The following COL23A1 variants were observed in gnomAD, a reference collection of about 807,000 sequenced individuals.
COL23A1 encodes collagen type XXIII alpha 1 chain, also known as collagen alpha-1(XXIII) chain.
A neutral mutation model predicts 99.3 loss-of-function variants in COL23A1; 97 were observed. The observed-to-expected ratio is 0.98, with a 90% CI of 0.83 to 1.16. COL23A1 has a LOEUF of 1.16. Among genes scored for constraint, COL23A1 ranks in the 50% most tolerant of loss-of-function variants. The probability of loss-of-function intolerance (pLI) is 0.00; values close to 1 mark genes in which losing one functional copy is unlikely to be tolerated. For synonymous variants in COL23A1, 320 were observed against 308.2 expected, an observed-to-expected ratio of 1.04 and a Z score of -0.40; for missense variants, 762 against 757.4, an observed-to-expected ratio of 1.01 and a Z score of -0.07.
intron 2 of COL23A1, among the ~76,000 whole-genome samples, chr5:178,321,552 C>G (rs938288223): frequency 6.9e-6 from 1 of 144,800 alleles, no homozygotes; most frequent in African/African-American, 2.6e-5. Flanking sequence ...TGCAGTGGCA[C>G]GATCTCGGCT....
At chr5:178,377,512 C>A (rs1763140401) in intron 2 of COL23A1, among the ~76,000 whole-genome samples, 1 of 152,232 alleles carries the variant, frequency 6.6e-6, no homozygotes, top group Non-Finnish European at 1.5e-5. Flanking sequence ...GACGTGTCAT[C>A]CTGGGCCTTT....
chr5:178,517,615 G>GCC (rs1759611669), intron 2 of COL23A1, among the ~76,000 whole-genome samples: 3 of 123,612 alleles, frequency 2.4e-5, no homozygotes, highest in Non-Finnish European at 4.7e-5. Flanking sequence ...AGTCTGGAAT[G>GCC]CAGTGGCATG....
chr5:178,256,505 G>T, intron 14 of COL23A1, 108 bp from the exon 15 acceptor site: 1 of 1,053,056 alleles, frequency 9.5e-7, no homozygotes. Context: ...GGGCCCGAGT[G>T]CTGGAACCCT....
chr5:178,518,126 T>G (rs1186384248), intron 2 of COL23A1, among the ~76,000 whole-genome samples: 3 of 135,462 alleles, frequency 2.2e-5, no homozygotes, highest in African/African-American at 8.9e-5. Flanking sequence ...TTCAAGCATC[T>G]GTTTAACAAA....
At chr5:178,583,868 A>G (rs1000867654) in intron 1 of COL23A1, among the ~76,000 whole-genome samples, 18 of 152,168 alleles carry the variant, frequency 1.2e-4, no homozygotes, top group African/African-American at 4.3e-4. Flanking sequence ...TTTCTCCCCA[A>G]TTTTTATTTG....
intron 1 of COL23A1, among the ~76,000 whole-genome samples, chr5:178,585,545 A>T (rs866687997): frequency 1.1e-4 from 14 of 132,306 alleles, no homozygotes; most frequent in South Asian, 2.5e-4. Context: ...GTAACACTCC[A>T]CAGCCCTGGT....
At chr5:178,427,616 A>T (rs1341363602) in intron 2 of COL23A1, among the ~76,000 whole-genome samples, 1 of 152,228 alleles carries the variant, frequency 6.6e-6, no homozygotes, top group Non-Finnish European at 1.5e-5. Flanking sequence ...ATAATATTCT[A>T]TTATTCAATG....
intron 5 of COL23A1, among the ~76,000 whole-genome samples, chr5:178,275,670 C>A (rs1166448415): frequency 6.6e-6 from 1 of 152,176 alleles, no homozygotes; most frequent in East Asian, 1.9e-4. Flanking sequence ...TTCCCCTTAA[C>A]TGCTCCGTAG....
At chr5:178,256,464 GC>G in intron 14 of COL23A1, 67 bp from the exon 15 acceptor site, 6 of 1,456,768 alleles carry the variant, frequency 4.1e-6, no homozygotes, top group Admixed American at 2.2e-5. Flanking sequence ...CCACGACCCT[GC>G]CCCCAGTCCC....
At chr5:178,399,920 G>A (rs928276469) in intron 2 of COL23A1, among the ~76,000 whole-genome samples, 6 of 152,158 alleles carry the variant, frequency 3.9e-5, no homozygotes, top group South Asian at 2.1e-4. Context: ...GGATCCACCC[G>A]CGTCCATGCC....
intron 2 of COL23A1, among the ~76,000 whole-genome samples, chr5:178,526,044 GT>G (rs1163277246): frequency 6.6e-6 from 1 of 152,234 alleles, no homozygotes; most frequent in East Asian, 1.9e-4. Flanking sequence ...GGAGGCGAGT[GT>G]CCTCGGAGTG....
At chr5:178,330,581 G>T (rs1759962395) in intron 2 of COL23A1, among the ~76,000 whole-genome samples, 1 of 151,990 alleles carries the variant, frequency 6.6e-6, no homozygotes, top group Admixed American at 6.5e-5. Context: ...TGGAGCTGAG[G>T]AGTTTGAGGT....
At chr5:178,356,104 G>T (rs565042711) in intron 2 of COL23A1, among the ~76,000 whole-genome samples, 35 of 152,322 alleles carry the variant, frequency 2.3e-4, no homozygotes, top group African/African-American at 8.4e-4. Flanking sequence ...AGTGACAGAC[G>T]CAGGCACAGA....
At chr5:178,520,256 G>C (rs1383915604) in intron 2 of COL23A1, among the ~76,000 whole-genome samples, 1 of 152,176 alleles carries the variant, frequency 6.6e-6, no homozygotes, top group East Asian at 1.9e-4. Context: ...AGTAAGATTG[G>C]ACAGTCCTTG....
intron 2 of COL23A1, among the ~76,000 whole-genome samples, chr5:178,327,162 A>G (rs977298302): frequency 5.9e-5 from 9 of 152,236 alleles, no homozygotes; most frequent in African/African-American, 1.9e-4. Context: ...CCAGCCATCC[A>G]TCAAAGATGT....
intron 2 of COL23A1, among the ~76,000 whole-genome samples, chr5:178,479,251 A>T (rs2127949297): frequency 6.6e-6 from 1 of 152,322 alleles, no homozygotes; most frequent in Non-Finnish European, 1.5e-5. Flanking sequence ...ATGGAGGTTC[A>T]TAGGGGTAAA....
rs111576830 is a variant in COL23A1 at position 178,484,534 on chromosome 5, T to TGAGGC, written c.361+76143_361+76147dup. ...CTGGCTCCCGAAACTGTAAGAACAG[T>TGAGGC]GAGGCCGGGCCGGGCGTGGTGGCTC... On this transcript the variant is annotated intron_variant, in intron 2 of 28. Transcript: ENST00000390654. Among the ~76,000 whole-genome samples the TGAGGC allele has an allele frequency of 1.0e-2, 1,515 of 152,084 alleles. 27 individuals are homozygous for TGAGGC. Among genetic ancestry groups the TGAGGC allele is most frequent in the African/African-American group, 0.034 (1,424 of 41,512 alleles).
chr5:178,508,793 G>A (rs1482553030), intron 2 of COL23A1, among the ~76,000 whole-genome samples: 1 of 152,172 alleles, frequency 6.6e-6, no homozygotes, highest in African/African-American at 2.4e-5. Flanking sequence ...TTTGGCTAGA[G>A]AGCAGGCTTT....
chr5:178,506,229 T>C (rs1026445289), intron 2 of COL23A1, among the ~76,000 whole-genome samples: 1 of 152,182 alleles, frequency 6.6e-6, no homozygotes, highest in Non-Finnish European at 1.5e-5. Context: ...GGTCTCAGCC[T>C]GGAGGATATT....
Sources: allele counts gnomAD v4.1 joint callset (sites outside exome capture counted in the v4.1 genomes callset), GRCh38; gene constraint gnomAD v4.1.1; transcripts MANE v1.5; gene names NCBI Gene and HGNC (gene_info 2026-07-23, HGNC 2026-07-21).